Variants in TENM1 observed in about 807,000 individuals in gnomAD.
The protein encoded by TENM1 is teneurin transmembrane protein 1, also known as teneurin-1.
In TENM1, 35 loss-of-function variants were observed where a neutral mutation model predicts 174.8. The ratio of observed to expected loss-of-function variants is 0.20; its 90% CI spans 0.15 to 0.27. The LOEUF (loss-of-function observed/expected upper bound fraction) is 0.27, where lower values mean the gene tolerates loss of function less well. TENM1 is among the 10% of genes least tolerant of loss of function. The pLI is 1.00. For synonymous variants in TENM1, 781 were observed against 798.7 expected (o/e 0.98, Z 0.37); for missense variants, 1,633 against 2,130.1 (o/e 0.77, Z 4.59).
chrX:125,066,240 C>T, the TENM1 span, among the ~76,000 whole-genome samples: 3 of 111,457 alleles, frequency 2.7e-5, no homozygotes, highest in Admixed American at 9.6e-5. Context: ...TAAGAGTATT[C>T]CATGGATCAT....
Position 124,709,903 on chromosome X carries a change from T to C in TENM1, c.777-4652A>G, listed in dbSNP as rs184909377. Reference sequence around the variant, plus strand: ...GCATTACAAAGAAACTACCCTTTAGTTGATGAAAACCTAAAAGAGTTACTA... The same window carrying C: ...GCATTACAAAGAAACTACCCTTTAGCTGATGAAAACCTAAAAGAGTTACTA... On this transcript the variant is annotated intron_variant, in intron 4 of 31. Coordinates refer to ENST00000422452, the Ensembl canonical transcript of TENM1. Among the ~76,000 whole-genome samples the C allele has an allele frequency of 1.5e-3, 164 of 111,401 alleles. 1 individual carries two copies. The highest frequency in any genetic ancestry group is 2.6e-4 in the Non-Finnish European group (14 of 53,094).
chrX:124,561,127 C>T (rs1243668821), intron 14 of TENM1, among the ~76,000 whole-genome samples: 1 of 112,026 alleles, frequency 8.9e-6, no homozygotes, highest in African/African-American at 3.2e-5. Context: ...AGAGGGAGTT[C>T]CAAATAACTA....
chrX:124,967,662 A>G (rs2058743651), upstream of TENM1, among the ~76,000 whole-genome samples: 1 of 111,697 alleles, frequency 9.0e-6, no homozygotes, highest in Non-Finnish European at 1.9e-5. Context: ...TAGTAGTTCA[A>G]GTCAGAAACC....
chrX:124,775,704 C>T (rs1206453722), intron 3 of TENM1, among the ~76,000 whole-genome samples: 1 of 111,954 alleles, frequency 8.9e-6, no homozygotes, highest in African/African-American at 3.3e-5. Context: ...GAGAAGCTGA[C>T]TCAGATTTGT....
At chrX:125,023,482 G>A in the TENM1 span, among the ~76,000 whole-genome samples, 491 of 111,118 alleles carry the variant, frequency 4.4e-3, 4 homozygotes, top group African/African-American at 0.014. Flanking sequence ...ATGGCTCTGC[G>A]TCAACCAGGT....
At chrX:124,735,655 A>G (rs1391831751) in intron 4 of TENM1, among the ~76,000 whole-genome samples, 1 of 112,027 alleles carries the variant, frequency 8.9e-6, no homozygotes, top group Non-Finnish European at 1.9e-5. Context: ...TCACAGCACA[A>G]TACACAAGAG....
At chrX:124,585,556 T>C (rs1297584170) in intron 11 of TENM1, among the ~76,000 whole-genome samples, 5 of 111,413 alleles carry the variant, frequency 4.5e-5, no homozygotes, top group Non-Finnish European at 9.4e-5. Context: ...TGGAAATTTA[T>C]AGCACTAAAT....
chrX:124,696,583 C>T (rs1372707472), intron 5 of TENM1, among the ~76,000 whole-genome samples: 1 of 110,847 alleles, frequency 9.0e-6, no homozygotes, highest in East Asian at 2.8e-4. Context: ...GGCTTAGCTG[C>T]TTGTTATGAG....
intron 11 of TENM1, among the ~76,000 whole-genome samples, chrX:124,611,470 T>C (rs1256709710): frequency 9.0e-6 from 1 of 111,480 alleles, no homozygotes; most frequent in Non-Finnish European, 1.9e-5. Context: ...AGTAGGGAGA[T>C]CCAAACCTAC....
chrX:125,056,667 C>T, the TENM1 span, among the ~76,000 whole-genome samples: 3 of 111,133 alleles, frequency 2.7e-5, no homozygotes, highest in Admixed American at 9.6e-5. Flanking sequence ...GTAACCAGAA[C>T]AGCAGAACTC....
chrX:124,802,921 G>A (rs2147241466), intron 3 of TENM1, among the ~76,000 whole-genome samples: 1 of 112,222 alleles, frequency 8.9e-6, no homozygotes, highest in African/African-American at 3.2e-5. Context: ...AGATAATAGA[G>A]TTTGCTAATA....
At chrX:124,568,058 C>T (rs2048979143) in intron 11 of TENM1, among the ~76,000 whole-genome samples, 1 of 112,015 alleles carries the variant, frequency 8.9e-6, no homozygotes, top group Non-Finnish European at 1.9e-5. Flanking sequence ...AGGCTATTTT[C>T]AAACTATCTC....
At chrX:125,094,811 T>C in the TENM1 span, among the ~76,000 whole-genome samples, 1 of 112,257 alleles carries the variant, frequency 8.9e-6, no homozygotes, top group Non-Finnish European at 1.9e-5. Flanking sequence ...CTGAGAAATA[T>C]GATTATTTTG....
At chrX:125,085,535 G>A in the TENM1 span, among the ~76,000 whole-genome samples, 13 of 111,143 alleles carry the variant, frequency 1.2e-4, no homozygotes, top group African/African-American at 4.2e-4. Flanking sequence ...CTAACTGTGA[G>A]AGTGCCTGTC....
At chrX:124,982,270 G>GAAAAAAAAAAAAAAAAAAAAAGA in the TENM1 span, among the ~76,000 whole-genome samples, 3 of 10,543 alleles carry the variant, frequency 2.8e-4, no homozygotes, top group African/African-American at 8.1e-4. Flanking sequence ...AAGAAAATGT[G>GAAAAAAAAAAAAAAAAAAAAAGA]AAAAAAAAAA....
At chrX:125,139,707 C>T in the TENM1 span, among the ~76,000 whole-genome samples, 3 of 110,066 alleles carry the variant, frequency 2.7e-5, no homozygotes, top group East Asian at 2.8e-4. Context: ...AGTTCTTGTA[C>T]ATCATAACCC....
At chrX:125,198,873 G>A in the TENM1 span, among the ~76,000 whole-genome samples, 1 of 109,922 alleles carries the variant, frequency 9.1e-6, no homozygotes, top group Non-Finnish European at 1.9e-5. Context: ...GTGGGCAGGG[G>A]TGGGGGCAGG....
chrX:125,094,845 A>T, the TENM1 span, among the ~76,000 whole-genome samples: 4 of 112,292 alleles, frequency 3.6e-5, no homozygotes, highest in Admixed American at 3.8e-4. Context: ...TGTGCAAATT[A>T]AAGTCTCATT....
intron 3 of TENM1, among the ~76,000 whole-genome samples, chrX:124,794,820 G>A (rs988045665): frequency 9.0e-6 from 1 of 111,123 alleles, no homozygotes; most frequent in Admixed American, 9.6e-5. Context: ...TCTCCCCTTA[G>A]TCTATCACAT....
Sources: gnomAD v4.1 joint callset for allele counts (sites outside exome capture counted in the v4.1 genomes callset) on GRCh38, gnomAD v4.1.1 for gene constraint, MANE v1.5 for transcripts, NCBI Gene and HGNC (gene_info 2026-07-23, HGNC 2026-07-21) for gene names.